The following AP1S3 variants were observed in gnomAD, a reference collection of about 807,000 sequenced individuals.
The protein encoded by AP1S3 is adaptor related protein complex 1 subunit sigma 3.
AP1S3 carries 10 observed loss-of-function variants against 20.9 expected under a neutral mutation model. The ratio of observed to expected loss-of-function variants is 0.48; its 90% confidence interval spans 0.29 to 0.81. The LOEUF (loss-of-function observed/expected upper bound fraction) is 0.81. Among genes scored for constraint, AP1S3 ranks in the 30% least tolerant of loss-of-function variants. The pLI is 0.08. For synonymous variants in AP1S3, 41 were observed against 61.5 expected (o/e 0.67, Z 1.56); for missense variants, 154 against 183.8 (o/e 0.84, Z 0.94).
chr2:223,773,382 A>G (rs1181432536), intron 3 of AP1S3: 2 of 1,301,770 alleles, frequency 1.5e-6, no homozygotes, highest in Non-Finnish European at 2.0e-6. Context: ...AAGTACAAAA[A>G]TGTGAGAATT....
intron 1 of AP1S3, among the ~76,000 whole-genome samples, chr2:223,788,525 G>T (rs1184294721): frequency 2.6e-5 from 4 of 150,996 alleles, no homozygotes; most frequent in Non-Finnish European, 5.9e-5. Context: ...AGGCTGAGGT[G>T]GGTGGATCAC....
intron 1 of AP1S3, among the ~76,000 whole-genome samples, chr2:223,827,550 A>T (rs1295937297): frequency 6.6e-6 from 1 of 150,586 alleles, no homozygotes; most frequent in Non-Finnish European, 1.5e-5. Flanking sequence ...ACCCAGCTAC[A>T]TTTTTTTTTA....
In AP1S3 at chr2:223,780,537, C is replaced by A. The variant is rs187097057; in HGVS notation, c.4-2668G>T. Among the ~76,000 whole-genome samples, 663 of 151,670 alleles carry A rather than the reference C, an allele frequency of 4.4e-3. 7 individuals carry two copies. The highest frequency in any genetic ancestry group is 0.015 in the African/African-American group (622 of 41,258). ...GCCTCCCAGGCTCAAGTGATTCCCC[C>A]CACCTTGGCCTCCCAAAGTTCTGGG... On this transcript the variant is annotated intron_variant, in intron 1 of 4. Transcript: ENST00000396654.
At chr2:223,790,233 CTTTTT>C (rs373959648) in intron 1 of AP1S3, among the ~76,000 whole-genome samples, 1 of 140,984 alleles carries the variant, frequency 7.1e-6, no homozygotes, top group African/African-American at 2.6e-5. Flanking sequence ...TGCCTCCAGT[CTTTTT>C]TTTTTTTTTT....
At chr2:223,774,372 T>TAATTAATA (rs1553582057) in intron 3 of AP1S3, among the ~76,000 whole-genome samples, 12 of 145,448 alleles carry the variant, frequency 8.3e-5, no homozygotes, top group Non-Finnish European at 1.3e-4. Context: ...TCTCAATAAA[T>TAATTAATA]AATAAATAAA....
intron 1 of AP1S3, among the ~76,000 whole-genome samples, chr2:223,799,250 CAA>C (rs1321659246): frequency 7.1e-6 from 1 of 141,572 alleles, no homozygotes; most frequent in South Asian, 2.2e-4. Context: ...CACACACACA[CAA>C]ACACCACATG....
intron 1 of AP1S3, among the ~76,000 whole-genome samples, chr2:223,814,407 C>T (rs568892749): frequency 3.3e-4 from 50 of 152,300 alleles, no homozygotes; most frequent in Admixed American, 1.9e-3. Context: ...ATGTCCACTA[C>T]AAGAAGTTAA....
rs144563137 is a variant in AP1S3 at position 223,812,928 on chromosome 2, T to C, written c.3+24520A>G. Among the ~76,000 whole-genome samples the C allele has an allele frequency of 1.4e-3, 218 of 152,096 alleles. 1 individual carries two copies. Among genetic ancestry groups the C allele is most frequent in the Admixed American group, 4.2e-3 (64 of 15,254 alleles). ...CATGTTGCCATTTTGTGTGGGGTTT[T>C]TTGTTTTTTTTTTAATTTGAGATAG... On this transcript the variant is annotated intron_variant, in intron 1 of 4. Coordinates refer to ENST00000396654, the MANE Select transcript of AP1S3 (RefSeq NM_001039569.2).
chr2:223,801,164 A>G (rs1205327391), intron 1 of AP1S3, among the ~76,000 whole-genome samples: 2 of 152,222 alleles, frequency 1.3e-5, no homozygotes, highest in Admixed American at 6.5e-5. Flanking sequence ...GAAGAAGCAC[A>G]TTACACACAG....
chr2:223,799,185 T>C (rs1166641941), intron 1 of AP1S3, among the ~76,000 whole-genome samples: 4 of 149,688 alleles, frequency 2.7e-5, no homozygotes, highest in Non-Finnish European at 4.4e-5. Flanking sequence ...GGTGGACTCA[T>C]ATAAAAGGGA....
intron 1 of AP1S3, among the ~76,000 whole-genome samples, chr2:223,804,185 C>T (rs940804013): frequency 6.6e-6 from 1 of 152,114 alleles, no homozygotes; most frequent in Non-Finnish European, 1.5e-5. Context: ...AGGTCCTACC[C>T]CTGGCTCCAG....
At chr2:223,786,124 A>G (rs1196002434) in intron 1 of AP1S3, among the ~76,000 whole-genome samples, 3 of 152,160 alleles carry the variant, frequency 2.0e-5, no homozygotes, top group Non-Finnish European at 2.9e-5. Context: ...ACTGCTCTAA[A>G]AAAATTAAGT....
intron 1 of AP1S3, among the ~76,000 whole-genome samples, chr2:223,833,625 G>A (rs1256617775): frequency 6.6e-6 from 1 of 152,164 alleles, no homozygotes; most frequent in Non-Finnish European, 1.5e-5. Flanking sequence ...ATAAAAGTCA[G>A]CAAAAGTCAG....
At chr2:223,790,310 C>A (rs1292850994) in intron 1 of AP1S3, among the ~76,000 whole-genome samples, 1 of 151,126 alleles carries the variant, frequency 6.6e-6, no homozygotes, top group African/African-American at 2.4e-5. Flanking sequence ...CAGCTCACTG[C>A]AACCTTTGTT....
At chr2:223,770,425 G>T in intron 3 of AP1S3, 1 of 1,495,586 alleles carries the variant, frequency 6.7e-7, no homozygotes, top group African/African-American at 1.4e-5. Context: ...GCAGCCATGG[G>T]GCAATTAATT....
chr2:223,796,312 T>C (rs1187746178), intron 1 of AP1S3, among the ~76,000 whole-genome samples: 1 of 152,216 alleles, frequency 6.6e-6, no homozygotes, highest in Non-Finnish European at 1.5e-5. Flanking sequence ...CATTATTTAT[T>C]TCACTAACAG....
At chr2:223,827,128 C>T (rs538888904) in intron 1 of AP1S3, among the ~76,000 whole-genome samples, 9 of 152,218 alleles carry the variant, frequency 5.9e-5, no homozygotes, top group African/African-American at 2.2e-4. Flanking sequence ...TCTTGCCCTT[C>T]CCCCATAGTT....
intron 1 of AP1S3, among the ~76,000 whole-genome samples, chr2:223,825,145 T>TA (rs1273686462): frequency 2.5e-4 from 38 of 149,700 alleles, no homozygotes; most frequent in East Asian, 2.0e-3. Flanking sequence ...CCATCTCTAC[T>TA]AAAAAAAAAT....
At chr2:223,761,718 C>T (rs1471681362) in intron 4 of AP1S3, among the ~76,000 whole-genome samples, 1 of 152,038 alleles carries the variant, frequency 6.6e-6, no homozygotes, top group Non-Finnish European at 1.5e-5. Flanking sequence ...CACACCACCA[C>T]ACCTGGCTAA....
Sources: gnomAD v4.1 joint callset for allele counts (sites outside exome capture counted in the v4.1 genomes callset) on GRCh38, gnomAD v4.1.1 for gene constraint, MANE v1.5 for transcripts, NCBI Gene and HGNC (gene_info 2026-07-23, HGNC 2026-07-21) for gene names.